Variants in MGMT observed in about 807,000 individuals in gnomAD.
The protein encoded by MGMT is methylated-DNA--protein-cysteine methyltransferase.
In MGMT, 14 loss-of-function variants were observed where a neutral mutation model predicts 15.9. The ratio of observed to expected loss-of-function variants is 0.88; its 90% CI spans 0.58 to 1.37. The LOEUF (loss-of-function observed/expected upper bound fraction) is 1.37. Ranked by LOEUF, MGMT falls within the 40% of genes most tolerant of loss-of-function variation. MGMT has a pLI of 0.00. For missense variants in MGMT, 282 were observed against 268.1 expected (o/e 1.05, Z -0.36); for synonymous variants, 130 against 118.2 (o/e 1.10, Z -0.65).
intron 1 of MGMT, among the ~76,000 whole-genome samples, chr10:129,520,119 T>G (rs1259873717): frequency 6.6e-6 from 1 of 152,230 alleles, no homozygotes; most frequent in Admixed American, 6.5e-5. Context: ...CGTGAGCTCA[T>G]GACGTGTTCA....
At chr10:129,467,917 T>G (rs190024228) in intron 1 of MGMT, among the ~76,000 whole-genome samples, 1 of 152,320 alleles carries the variant, frequency 6.6e-6, no homozygotes, top group East Asian at 1.9e-4. Context: ...ACTCCTGGGT[T>G]CATCATCTCC....
At chr10:129,605,676 A>C (rs78044506) in intron 2 of MGMT, among the ~76,000 whole-genome samples, 3,947 of 152,256 alleles carry the variant, frequency 0.026, 82 homozygotes, top group South Asian at 0.064. Context: ...ATTTCCCTTG[A>C]ATTTGATAAG....
At chr10:129,591,386 G>T (rs1846683673) in intron 2 of MGMT, among the ~76,000 whole-genome samples, 1 of 152,160 alleles carries the variant, frequency 6.6e-6, no homozygotes, top group Admixed American at 6.5e-5. Flanking sequence ...ACTGCTCCCT[G>T]CCCTCTGTCT....
Position 129,573,784 on chromosome 10 carries a change from A to G in MGMT, c.125+37407A>G, listed in dbSNP as rs554258631. Among the ~76,000 whole-genome samples the G allele has an allele frequency of 2.6e-5, 4 of 152,304 alleles. No individual in the cohort carries two copies. The East Asian group carries it at 7.7e-4, about 29-fold the overall frequency. On this transcript the variant is annotated intron_variant, in intron 2 of 4. Transcript: ENST00000651593. ...TTGTAGTCAATCATAACCCTTGACCATATTTTTTTTGGTGGTACTTCATAT... is the reference window on the plus strand; with the variant it reads ...TTGTAGTCAATCATAACCCTTGACCGTATTTTTTTTGGTGGTACTTCATAT...
chr10:129,512,295 G>A lies in MGMT; in HGVS notation c.-12-23946G>A, dbSNP rs148042842. ...TATATCAACTTATTTTTAAACACCC[G>A]CTTTAACTTCTTCCTAAGGAATTGC... is the stretch of plus-strand genomic sequence containing the variant. On this transcript the variant is annotated intron_variant, in intron 1 of 4. Transcript: ENST00000651593. Among the ~76,000 whole-genome samples the A allele has an allele frequency of 1.4e-3, 210 of 152,174 alleles. 1 individual carries two copies. Among genetic ancestry groups the A allele is most frequent in the African/African-American group, 4.8e-3 (199 of 41,508 alleles).
chr10:129,718,910 C>T (rs1425272612), intron 3 of MGMT, among the ~76,000 whole-genome samples: 2 of 151,846 alleles, frequency 1.3e-5, no homozygotes, highest in Non-Finnish European at 2.9e-5. Context: ...ATGTCTAGAG[C>T]TAGTTCGTTT....
intron 1 of MGMT, among the ~76,000 whole-genome samples, chr10:129,486,177 C>CTTTTT (rs33985155): frequency 8.8e-6 from 1 of 113,284 alleles, no homozygotes; most frequent in African/African-American, 3.6e-5. Context: ...CTTCTCTTCT[C>CTTTTT]TTTTTTTTTT....
chr10:129,528,092 TATC>T (rs58877441), intron 1 of MGMT, among the ~76,000 whole-genome samples: 21,686 of 152,068 alleles, frequency 0.14, 2,238 homozygotes, highest in African/African-American at 0.3. Context: ...CTATCTCAAT[TATC>T]ATTGCATGAT....
chr10:129,743,595 T>A (rs910795008), intron 3 of MGMT, among the ~76,000 whole-genome samples: 4 of 152,194 alleles, frequency 2.6e-5, no homozygotes, highest in African/African-American at 9.7e-5. Flanking sequence ...CAAGTGCAAG[T>A]GCGTGCATTT....
intron 2 of MGMT, among the ~76,000 whole-genome samples, chr10:129,572,104 C>T (rs1374226179): frequency 1.3e-5 from 2 of 152,132 alleles, no homozygotes; most frequent in African/African-American, 2.4e-5. Context: ...ACCATGCTGA[C>T]CATCTAAGTG....
At chr10:129,480,214 A>C (rs1056703904) in intron 1 of MGMT, among the ~76,000 whole-genome samples, 2 of 152,154 alleles carry the variant, frequency 1.3e-5, no homozygotes, top group Non-Finnish European at 2.9e-5. Context: ...AAAAGGGAAT[A>C]GTGTTTTAAC....
chr10:129,551,142 A>G (rs1221050867), intron 2 of MGMT, among the ~76,000 whole-genome samples: 1 of 152,244 alleles, frequency 6.6e-6, no homozygotes, highest in African/African-American at 2.4e-5. Flanking sequence ...ATTCAAAGAA[A>G]TAGAACATTC....
At chr10:129,663,662 G>A (rs1847625955) in intron 2 of MGMT, among the ~76,000 whole-genome samples, 1 of 152,144 alleles carries the variant, frequency 6.6e-6, no homozygotes. Context: ...TATTGATACA[G>A]AAGTTTTTAA....
chr10:129,638,454 A>G (rs1222650579), intron 2 of MGMT, among the ~76,000 whole-genome samples: 1 of 149,786 alleles, frequency 6.7e-6, no homozygotes, highest in Non-Finnish European at 1.5e-5. Flanking sequence ...AAGAAAAAAA[A>G]AAGAAAAATA....
intron 3 of MGMT, among the ~76,000 whole-genome samples, chr10:129,722,735 G>A (rs1291182806): frequency 6.6e-6 from 1 of 152,166 alleles, no homozygotes. Context: ...GCCAGGCATG[G>A]TGGCTTACGC....
At chr10:129,522,532 A>G (rs1845825275) in intron 1 of MGMT, among the ~76,000 whole-genome samples, 1 of 152,228 alleles carries the variant, frequency 6.6e-6, no homozygotes, top group African/African-American at 2.4e-5. Context: ...ACCTGGAGAC[A>G]CACATTATGG....
intron 2 of MGMT, among the ~76,000 whole-genome samples, chr10:129,545,722 C>G (rs1270614052): frequency 6.6e-6 from 1 of 152,098 alleles, no homozygotes. Context: ...TTCTGGAATG[C>G]TTTTTTATTC....
At chr10:129,716,072 C>G (rs1848292506) in intron 3 of MGMT, among the ~76,000 whole-genome samples, 1 of 152,214 alleles carries the variant, frequency 6.6e-6, no homozygotes, top group Non-Finnish European at 1.5e-5. Flanking sequence ...CGGAACGTCT[C>G]CAGCTCTGTA....
chr10:129,727,186 C>A (rs1848443793), intron 3 of MGMT, among the ~76,000 whole-genome samples: 1 of 152,152 alleles, frequency 6.6e-6, no homozygotes, highest in Non-Finnish European at 1.5e-5. Context: ...CAGGTCTGGC[C>A]CCAAGCTACA....
Sources: gnomAD v4.1 joint callset for allele counts (sites outside exome capture counted in the v4.1 genomes callset) on GRCh38, gnomAD v4.1.1 for gene constraint, MANE v1.5 for transcripts, NCBI Gene and HGNC (gene_info 2026-07-23, HGNC 2026-07-21) for gene names.